MPDZ: variants seen among roughly 807,000 people sequenced by gnomAD.
MPDZ encodes the protein multiple PDZ domain crumbs cell polarity complex component.
MPDZ carries 234 observed loss-of-function variants against 239.1 expected under a neutral mutation model. That is an observed-to-expected ratio of 0.98 (90% CI 0.88 to 1.09). MPDZ has a LOEUF of 1.09. MPDZ is among the 50% of genes least tolerant of loss of function. MPDZ has a pLI of 0.00. For missense variants in MPDZ, 3,175 were observed against 2,510.0 expected, an observed-to-expected ratio of 1.26 and a Z score of -5.66; for synonymous variants, 1,048 against 881.3, an observed-to-expected ratio of 1.19 and a Z score of -3.35.
In MPDZ at chr9:13,121,858, CA is replaced by C; in HGVS notation, c.5111del (p.Val1704GlyfsTer3). ...INVLRQTPQR[V>X]RLTLYRDEAP... ...CCTCATCTCTGTAGAGTGTCAGGCG[CA>C]CTCTCTGTGGCGTCTGTCTCAGGAC... On this transcript the variant is annotated frameshift_variant, in exon 38 of 47. Coordinates refer to ENST00000319217, the MANE Select transcript of MPDZ (RefSeq NM_001378778.1). LOFTEE classifies it high-confidence loss of function. 6.2e-7 allele frequency: 1 copy of C among 1,613,920 alleles called. No individual in the cohort carries two copies. The highest frequency in any genetic ancestry group is 8.5e-7 in the Non-Finnish European group (1 of 1,179,864).
In MPDZ at chr9:13,114,008, C is replaced by A; in HGVS notation, c.5480G>T (p.Ser1827Ile). 1.3e-6 allele frequency: 2 copies of A among 1,593,362 alleles called. No individual in the cohort carries two copies. The highest frequency in any genetic ancestry group is 1.7e-6 in the Non-Finnish European group (2 of 1,169,024). Residue 1827 changes from serine to isoleucine, a missense_variant, in exon 41 of 47, where the codon AGC (serine) becomes ATC (isoleucine). Coordinates refer to ENST00000319217, the MANE Select transcript of MPDZ (RefSeq NM_001378778.1). ...GAGTGGAAAAGTGAAAGATGACAGG[C>A]TGCCTTCACTCACCTACAAATATAC... ...PSQSSQVSEG[S>I]LSSFTFPLSG...
At chr9:13,248,022 T>C (rs922147255) in intron 2 of MPDZ, among the ~76,000 whole-genome samples, 1 of 151,672 alleles carries the variant, frequency 6.6e-6, no homozygotes, top group Non-Finnish European at 1.5e-5. Flanking sequence ...AGCTCAGGAG[T>C]TCGAGACCAG....
At chr9:13,117,935 C>T (rs913070972) in intron 39 of MPDZ, among the ~76,000 whole-genome samples, 17 of 150,600 alleles carry the variant, frequency 1.1e-4, no homozygotes, top group African/African-American at 4.2e-4. Flanking sequence ...ACCTCTGCCT[C>T]CCGGGTTCAG....
At chr9:13,241,846 G>C (rs1238263712) in intron 3 of MPDZ, among the ~76,000 whole-genome samples, 1 of 152,136 alleles carries the variant, frequency 6.6e-6, no homozygotes, top group East Asian at 1.9e-4. Context: ...TGTATCTACA[G>C]AATAAAGACT....
At chr9:13,174,978 T>C (rs1291199463) in intron 21 of MPDZ, among the ~76,000 whole-genome samples, 1 of 152,124 alleles carries the variant, frequency 6.6e-6, no homozygotes, top group Admixed American at 6.6e-5. Context: ...GACGTCAGTG[T>C]AACGGGTAGT....
chr9:13,276,956 T>C (rs1588285983), intron 1 of MPDZ, among the ~76,000 whole-genome samples: 2 of 152,290 alleles, frequency 1.3e-5, no homozygotes. Context: ...ACCCTAGCAG[T>C]TAAAAACTAA....
At chr9:13,146,555 C>G (rs1484113029) in intron 26 of MPDZ, among the ~76,000 whole-genome samples, 2 of 151,936 alleles carry the variant, frequency 1.3e-5, no homozygotes, top group Non-Finnish European at 2.9e-5. Flanking sequence ...ACAACCAACC[C>G]TAAAAACTAG....
At chr9:13,116,661 T>A (rs774891408) in intron 39 of MPDZ, among the ~76,000 whole-genome samples, 5 of 152,216 alleles carry the variant, frequency 3.3e-5, no homozygotes, top group African/African-American at 1.2e-4. Context: ...CTGTGTAATG[T>A]TGCGACCCTT....
At chr9:13,183,654 T>G (rs1019960604) in intron 18 of MPDZ, 69 bp from the exon 19 acceptor site, 9 of 1,515,326 alleles carry the variant, frequency 5.9e-6, no homozygotes, top group Non-Finnish European at 8.1e-6. Flanking sequence ...AATCTCCACT[T>G]GAGACTAAAA....
chr9:13,254,585 T>C (rs1433813281), intron 1 of MPDZ, among the ~76,000 whole-genome samples: 1 of 152,246 alleles, frequency 6.6e-6, no homozygotes, highest in East Asian at 1.9e-4. Context: ...AAAAAAAACA[T>C]GGTACAAGCA....
chr9:13,176,822 A>C (rs1413358930), intron 19 of MPDZ, among the ~76,000 whole-genome samples: 2 of 152,132 alleles, frequency 1.3e-5, no homozygotes, highest in African/African-American at 2.4e-5. Context: ...CCCATTTATT[A>C]TGAGCTCAAG....
chr9:13,160,164 T>C (rs977030215), intron 23 of MPDZ, among the ~76,000 whole-genome samples: 3 of 152,200 alleles, frequency 2.0e-5, no homozygotes, highest in Non-Finnish European at 2.9e-5. Context: ...TATTTTTATA[T>C]GGCACATGCT....
chr9:13,239,185 C>T (rs572102769), intron 3 of MPDZ, among the ~76,000 whole-genome samples: 3 of 152,120 alleles, frequency 2.0e-5, no homozygotes, highest in Non-Finnish European at 4.4e-5. Context: ...TATTAGACCA[C>T]GCTGCCACAA....
chr9:13,234,485 G>T (rs905105596), intron 3 of MPDZ, among the ~76,000 whole-genome samples: 8 of 152,022 alleles, frequency 5.3e-5, no homozygotes, highest in African/African-American at 1.9e-4. Flanking sequence ...TTTTTTGGTA[G>T]ATTATCAAAA....
intron 3 of MPDZ, among the ~76,000 whole-genome samples, chr9:13,240,418 G>T (rs188354371): frequency 6.6e-6 from 1 of 151,764 alleles, no homozygotes; most frequent in Non-Finnish European, 1.5e-5. Flanking sequence ...TCTGGGAGAA[G>T]AATTTATAGG....
intron 44 of MPDZ, 106 bp from the exon 45 acceptor site, chr9:13,110,170 T>A: frequency 1.3e-6 from 1 of 756,486 alleles, no homozygotes; most frequent in Non-Finnish European, 2.2e-6. Flanking sequence ...ATTTTATTGT[T>A]CATTTAAACA....
chr9:13,117,270 A>T (rs1943604649), intron 39 of MPDZ, among the ~76,000 whole-genome samples: 1 of 152,114 alleles, frequency 6.6e-6, no homozygotes, highest in African/African-American at 2.4e-5. Flanking sequence ...ATCATGTTAA[A>T]ATAGTTGTCA....
At chr9:13,163,333 A>C (rs1433288197) in intron 22 of MPDZ, among the ~76,000 whole-genome samples, 1 of 152,190 alleles carries the variant, frequency 6.6e-6, no homozygotes, top group Admixed American at 6.5e-5. Flanking sequence ...CTTAAGTCTG[A>C]AGTATGAGAT....
At chr9:13,198,770 T>C (rs1427332883) in intron 12 of MPDZ, among the ~76,000 whole-genome samples, 3 of 150,676 alleles carry the variant, frequency 2.0e-5, no homozygotes, top group African/African-American at 7.3e-5. Context: ...TGTGTGTGTG[T>C]GTGTGTGTGT....
Sources: allele counts gnomAD v4.1 joint callset (sites outside exome capture counted in the v4.1 genomes callset), GRCh38; gene constraint gnomAD v4.1.1; transcripts MANE v1.5; gene names NCBI Gene and HGNC (gene_info 2026-07-23, HGNC 2026-07-21).